Variants in SYNDIG1L observed in about 807,000 individuals in gnomAD.
SYNDIG1L encodes the protein synapse differentiation-inducing gene protein 1-like.
A neutral mutation model predicts 20.1 loss-of-function variants in SYNDIG1L; 13 were observed. The ratio of observed to expected loss-of-function variants is 0.65; its 90% CI spans 0.42 to 1.03. The LOEUF (loss-of-function observed/expected upper bound fraction) is 1.03, where lower values mean the gene tolerates loss of function less well. SYNDIG1L is among the 50% of genes least tolerant of loss of function. The probability of loss-of-function intolerance (pLI) is 0.00; values close to 1 mark genes in which losing one functional copy is unlikely to be tolerated. For missense variants in SYNDIG1L, 294 were observed against 305.1 expected, an observed-to-expected ratio of 0.96 and a Z score of 0.27; for synonymous variants, 128 against 129.3, an observed-to-expected ratio of 0.99 and a Z score of 0.07.
At chr14:74,441,037 T>C in the SYNDIG1L span, among the ~76,000 whole-genome samples, 1 of 152,196 alleles carries the variant, frequency 6.6e-6, no homozygotes, top group South Asian at 2.1e-4. Context: ...CAAGAAAAGA[T>C]AAGGCAGTTA....
the SYNDIG1L span, among the ~76,000 whole-genome samples, chr14:74,445,677 A>G: frequency 1.3e-5 from 2 of 152,180 alleles, no homozygotes; most frequent in South Asian, 4.1e-4. Flanking sequence ...GGGTTTCACT[A>G]TGTTGGCCAG....
upstream of SYNDIG1L, among the ~76,000 whole-genome samples, chr14:74,427,341 G>A (rs865996794): frequency 6.6e-6 from 1 of 152,154 alleles, no homozygotes; most frequent in Admixed American, 6.5e-5. Context: ...GGGTCTGGCA[G>A]TGGGATTCCA....
chr14:74,472,665 G>C, the SYNDIG1L span, among the ~76,000 whole-genome samples: 2 of 152,230 alleles, frequency 1.3e-5, no homozygotes, highest in Non-Finnish European at 2.9e-5. Context: ...CAAGGTGTTT[G>C]ATCTGATCTG....
intron 1 of SYNDIG1L, among the ~76,000 whole-genome samples, chr14:74,410,652 T>G (rs559272013): frequency 6.6e-6 from 1 of 152,048 alleles, no homozygotes; most frequent in African/African-American, 2.4e-5. Context: ...TGGGAAATAT[T>G]GACAGGACTC....
chr14:74,443,439 G>A, the SYNDIG1L span, among the ~76,000 whole-genome samples: 3 of 152,166 alleles, frequency 2.0e-5, no homozygotes, highest in African/African-American at 7.2e-5. Flanking sequence ...CCAAGGCCGA[G>A]GATTCAGTGA....
At chr14:74,434,631 C>T in the SYNDIG1L span, among the ~76,000 whole-genome samples, 45 of 151,348 alleles carry the variant, frequency 3.0e-4, no homozygotes, top group African/African-American at 1.0e-3. Flanking sequence ...GAATGAGTGA[C>T]GAGGCATGAT....
At chr14:74,435,743 T>A in the SYNDIG1L span, among the ~76,000 whole-genome samples, 1 of 152,194 alleles carries the variant, frequency 6.6e-6, no homozygotes, top group African/African-American at 2.4e-5. Context: ...GGGCTCACAC[T>A]AAATCTTCTT....
Position 74,407,608 on chromosome 14 carries a change from G to A in SYNDIG1L, c.644C>T (p.Ala215Val). ...RALFLATLAI[A>V]VGAGLYVAVV... ...AGCCACGTAGAGACCGGCCCCCACG[G>A]CGATGGCGAGTGTGGCTAGGAAGAG... Residue 215 changes from alanine to valine, a missense_variant, in exon 4 of 4, where the codon GCC (alanine) becomes GTC (valine). Ala to Val is a moderately conservative substitution (Grantham distance 64). Coordinates refer to ENST00000331628, the MANE Select transcript of SYNDIG1L (RefSeq NM_001105579.2). 6.2e-7 allele frequency: 1 copy of A among 1,614,166 alleles called. No homozygotes were observed. Among genetic ancestry groups the A allele is most frequent in the Non-Finnish European group, 8.5e-7 (1 of 1,179,998 alleles).
chr14:74,429,024 C>T (rs1009818359), upstream of SYNDIG1L, among the ~76,000 whole-genome samples: 1 of 152,150 alleles, frequency 6.6e-6, no homozygotes, highest in Non-Finnish European at 1.5e-5. Flanking sequence ...AGTTTCTAGG[C>T]ACTCTCTCTT....
intron 1 of SYNDIG1L, among the ~76,000 whole-genome samples, chr14:74,425,401 C>T (rs1478181377): frequency 6.6e-6 from 1 of 152,246 alleles, no homozygotes. Flanking sequence ...TTAATCCATC[C>T]TAAGGGGCCT....
chr14:74,418,355 T>G (rs764896177), intron 1 of SYNDIG1L, among the ~76,000 whole-genome samples: 1 of 152,222 alleles, frequency 6.6e-6, no homozygotes, highest in Non-Finnish European at 1.5e-5. Context: ...TTTCTTTGTC[T>G]CAGTTTGCCT....
At chr14:74,415,864 T>C (rs920061230) in intron 1 of SYNDIG1L, among the ~76,000 whole-genome samples, 1 of 152,064 alleles carries the variant, frequency 6.6e-6, no homozygotes, top group Non-Finnish European at 1.5e-5. Flanking sequence ...AAAAGGAATA[T>C]AGAATAGGTG....
chr14:74,464,748 G>A, the SYNDIG1L span, among the ~76,000 whole-genome samples: 1 of 152,052 alleles, frequency 6.6e-6, no homozygotes, highest in South Asian at 2.1e-4. Context: ...TACCAAATGG[G>A]AGCCATGGTC....
rs182648543 is a variant in SYNDIG1L, at chr14:74,424,984, A to T, written c.-58+928T>A. On this transcript the variant is annotated intron_variant, in intron 1 of 3. Coordinates refer to ENST00000331628, the MANE Select transcript of SYNDIG1L (RefSeq NM_001105579.2). ...GAACTCCTACTCTAGTGCTCTTTCT[A>T]CCCCTGGGGGTAGGGAAGTTGTGTT... is the stretch of plus-strand genomic sequence containing the variant. Among the ~76,000 whole-genome samples the T allele has an allele frequency of 1.2e-3, 181 of 152,216 alleles. 1 individual carries two copies. The highest frequency in any genetic ancestry group is 4.3e-3 in the African/African-American group (177 of 41,538).
the SYNDIG1L span, among the ~76,000 whole-genome samples, chr14:74,437,686 A>T: frequency 6.6e-6 from 1 of 152,232 alleles, no homozygotes; most frequent in Non-Finnish European, 1.5e-5. Flanking sequence ...CCTGGACCAC[A>T]TCAACTATCC....
At chr14:74,461,173 T>C in the SYNDIG1L span, among the ~76,000 whole-genome samples, 124 of 150,582 alleles carry the variant, frequency 8.2e-4, no homozygotes, top group Middle Eastern at 0.01. Context: ...GTCTCGAACT[T>C]CTGATCTCAG....
At chr14:74,428,049 G>C (rs1159653143), upstream of SYNDIG1L, among the ~76,000 whole-genome samples, 1 of 152,266 alleles carries the variant, frequency 6.6e-6, no homozygotes, top group Admixed American at 6.5e-5. Flanking sequence ...CTGCTGCCTG[G>C]AGGGAAAACT....
chr14:74,470,148 CT>C, the SYNDIG1L span, among the ~76,000 whole-genome samples: 1 of 152,186 alleles, frequency 6.6e-6, no homozygotes, highest in Middle Eastern at 3.4e-3. Context: ...CAACAAGTCT[CT>C]GTGCCCTTGG....
chr14:74,414,634 G>A (rs980080239), intron 1 of SYNDIG1L, among the ~76,000 whole-genome samples: 3 of 152,134 alleles, frequency 2.0e-5, no homozygotes, highest in African/African-American at 7.2e-5. Flanking sequence ...AGAGATTTAG[G>A]AGGAGTTGAT....
Sources: allele counts gnomAD v4.1 joint callset (sites outside exome capture counted in the v4.1 genomes callset), GRCh38; gene constraint gnomAD v4.1.1; transcripts MANE v1.5; gene names NCBI Gene and HGNC (gene_info 2026-07-23, HGNC 2026-07-21).